TAF4B: variants seen among roughly 807,000 people sequenced by gnomAD.
TAF4B encodes transcription initiation factor TFIID subunit 4B.
Under a neutral mutation model 86.4 loss-of-function variants are expected in TAF4B, and 38 were observed. The observed-to-expected ratio is 0.44, with a 90% CI of 0.34 to 0.58. The LOEUF is 0.58. Ranked by LOEUF, TAF4B falls within the 20% of genes least tolerant of loss-of-function variation. The pLI is 0.02. For synonymous variants in TAF4B, 388 were observed against 391.2 expected (o/e 0.99, Z 0.10); for missense variants, 988 against 1,027.6 (o/e 0.96, Z 0.53).
intron 3 of TAF4B, among the ~76,000 whole-genome samples, chr18:26,268,014 AG>A (rs1239973898): frequency 1.3e-5 from 2 of 152,156 alleles, no homozygotes. Flanking sequence ...AGAACTTTGG[AG>A]GATATATGGC....
chr18:26,293,386 C>CT (rs754902733), intron 8 of TAF4B, 40 bp from the exon 9 acceptor site: 8 of 1,452,622 alleles, frequency 5.5e-6, no homozygotes, highest in East Asian at 4.6e-5. Context: ...GGTGTGATTG[C>CT]TTTTTTTGTA....
intron 1 of TAF4B, among the ~76,000 whole-genome samples, chr18:26,261,501 G>C (rs576326788): frequency 6.6e-6 from 1 of 152,306 alleles, no homozygotes; most frequent in African/African-American, 2.4e-5. Context: ...CGCCCGGCCA[G>C]CACTGTCATC....
At chr18:26,242,937 T>C (rs928256527) in intron 1 of TAF4B, among the ~76,000 whole-genome samples, 3 of 152,248 alleles carry the variant, frequency 2.0e-5, no homozygotes, top group Admixed American at 6.5e-5. Context: ...CTTGTAGAGT[T>C]TCTGCCAAGA....
chr18:26,368,472 C>T (rs1164005338), intron 14 of TAF4B, among the ~76,000 whole-genome samples: 1 of 152,084 alleles, frequency 6.6e-6, no homozygotes, highest in Non-Finnish European at 1.5e-5. Flanking sequence ...ATGAAAGGCC[C>T]AGATTTAATT....
intron 9 of TAF4B, among the ~76,000 whole-genome samples, 173 bp downstream of exon 9, chr18:26,293,704 G>A (rs2056625967): frequency 1.3e-5 from 2 of 152,100 alleles, no homozygotes; most frequent in Admixed American, 1.3e-4. Context: ...TAAATGTACA[G>A]CTTGGTGAAT....
intron 9 of TAF4B, among the ~76,000 whole-genome samples, chr18:26,309,427 A>G (rs901260412): frequency 1.3e-5 from 2 of 152,060 alleles, no homozygotes; most frequent in African/African-American, 4.8e-5. Flanking sequence ...ATTAGAATCT[A>G]AATTTGGAAG....
intron 5 of TAF4B, among the ~76,000 whole-genome samples, chr18:26,277,495 T>C (rs908185487): frequency 1.3e-5 from 2 of 152,232 alleles, no homozygotes; most frequent in South Asian, 4.1e-4. Flanking sequence ...GTGGCATTGC[T>C]GTACCAATTT....
At chr18:26,385,123 T>G (rs970511495) in intron 14 of TAF4B, among the ~76,000 whole-genome samples, 1 of 152,186 alleles carries the variant, frequency 6.6e-6, no homozygotes, top group Non-Finnish European at 1.5e-5. Context: ...CCTTTCTGCT[T>G]CTGACTTAGA....
Position 26,274,667 on chromosome 18 carries a change from T to C in TAF4B, c.602T>C (p.Val201Ala), listed in dbSNP as rs2056360860. The change falls in exon 4 of 15, where the codon GTG becomes GCG. Residue 201 changes from valine (V) to alanine (A), a missense_variant. Coordinates refer to ENST00000269142, the MANE Select transcript of TAF4B (RefSeq NM_005640.3). Reference sequence around the variant, plus strand: ...ATTTAATACCTTTAATTTCAGTCTGTGGCTGTGCCAACCAGTGTCGTCACA... The same window carrying C: ...ATTTAATACCTTTAATTTCAGTCTGCGGCTGTGCCAACCAGTGTCGTCACA... ...TVPKPSSVQS[V>A]AVPTSVVTVT... The C allele has an allele frequency of 5.0e-6, 8 of 1,614,212 alleles. No homozygotes were observed. The highest frequency in any genetic ancestry group is 6.8e-6 in the Non-Finnish European group (8 of 1,180,018).
intron 1 of TAF4B, among the ~76,000 whole-genome samples, chr18:26,249,325 A>G (rs1478338329): frequency 1.3e-5 from 2 of 152,146 alleles, no homozygotes; most frequent in East Asian, 3.9e-4. Context: ...CTAAAAATAC[A>G]CAAAAATTAG....
chr18:26,231,034 C>CTTTTTTTTTTTTGTTT (rs2055658353), intron 1 of TAF4B, among the ~76,000 whole-genome samples: 1 of 66,164 alleles, frequency 1.5e-5, no homozygotes, highest in African/African-American at 5.8e-5. Context: ...TGTTGTTTTG[C>CTTTTTTTTTTTTGTTT]TTTTTTTTTT....
At chr18:26,247,599 G>T (rs1052177501) in intron 1 of TAF4B, among the ~76,000 whole-genome samples, 1 of 152,160 alleles carries the variant, frequency 6.6e-6, no homozygotes, top group African/African-American at 2.4e-5. Context: ...ATTGACACAG[G>T]GTTGGGCATG....
intron 1 of TAF4B, among the ~76,000 whole-genome samples, chr18:26,231,034 CTTTTTTTTTTTT>C (rs536863843): frequency 9.1e-5 from 6 of 66,164 alleles, no homozygotes; most frequent in East Asian, 4.5e-4. Flanking sequence ...TGTTGTTTTG[CTTTTTTTTTTTT>C]TTTTTTTTTT....
Position 26,256,319 on chromosome 18 carries a change from T to C in TAF4B, c.344-8851T>C, listed in dbSNP as rs1022352056. On this transcript the variant is annotated intron_variant, in intron 1 of 14. Coordinates refer to ENST00000269142, the MANE Select transcript of TAF4B (RefSeq NM_005640.3). ...TAGCTCTGCAAATACAGCAGCCCTCTATACTTCGGTACATCTTTGGCGTGT... is the reference window on the plus strand; with the variant it reads ...TAGCTCTGCAAATACAGCAGCCCTCCATACTTCGGTACATCTTTGGCGTGT... 4.8e-6 allele frequency: 7 copies of C among 1,450,102 alleles called. No individual in the cohort carries two copies. In the African/African-American group the frequency reaches 9.8e-5, roughly 20 times the overall value. 89.8% of individuals were successfully genotyped at this position (1,450,102 alleles called of 1,614,324 possible).
chr18:26,375,794 G>A (rs966944121), intron 14 of TAF4B, among the ~76,000 whole-genome samples: 1 of 152,068 alleles, frequency 6.6e-6, no homozygotes, highest in East Asian at 1.9e-4. Flanking sequence ...TTAATCCAGT[G>A]TCACAATAAT....
In TAF4B at chr18:26,390,259, CTG is replaced by C. The variant is rs1437570967; in HGVS notation, c.*250_*251del. The C allele has an allele frequency of 7.9e-6, 3 of 381,726 alleles. No individual in the cohort carries two copies. In the Admixed American group the frequency reaches 1.3e-4, roughly 17 times the overall value. 23.6% of individuals were successfully genotyped at this position (381,726 alleles called of 1,614,324 possible). On this transcript the variant is annotated 3_prime_UTR_variant, in exon 15 of 15. Transcript: ENST00000269142. ...TGCACAGAATTAGGCATCTGCCTAT[CTG>C]TGCATTAAATTAAAGCAAGTTAAGG...
Position 26,267,580 on chromosome 18 carries a change from G to C in TAF4B, c.554G>C (p.Gly185Ala), listed in dbSNP as rs746323171. ...CCTGTTAAAAAATTGGCACAAATAG[G>C]AACTACTGTGGTAACCACTGTTCCG... ...VTPVKKLAQI[G>A]TTVVTTVPKP... Residue 185 changes from glycine to alanine, a missense_variant, in exon 3 of 15, where the codon GGA becomes GCA. This residue lies in a region of TAF4B where 747 missense variants were observed against 737.9 expected (regional missense o/e 1.01). Coordinates refer to ENST00000269142, the MANE Select transcript of TAF4B (RefSeq NM_005640.3). The C allele has an allele frequency of 6.2e-7, 1 of 1,614,114 alleles. No individual in the cohort carries two copies. Among genetic ancestry groups the C allele is most frequent in the Admixed American group, 1.7e-5 (1 of 60,022 alleles).
Position 26,286,287 on chromosome 18 carries a change from ACAG to A in TAF4B, c.1382_1384del (p.Ala461del). On this transcript the variant is annotated inframe_deletion, in exon 7 of 15. Coordinates refer to ENST00000269142, the MANE Select transcript of TAF4B (RefSeq NM_005640.3). ...ACCTGAAAAGCCAGTTGTCTCTGGA[ACAG>A]CAGTAACACTGTCCCTTCCAGCAGT... 1 of 1,614,252 alleles carries A rather than the reference ACAG, an allele frequency of 6.2e-7. No individual in the cohort carries two copies.
At chr18:26,373,356 A>G (rs1371610869) in intron 14 of TAF4B, among the ~76,000 whole-genome samples, 1 of 152,038 alleles carries the variant, frequency 6.6e-6, no homozygotes, top group African/African-American at 2.4e-5. Context: ...TTTCACTGTC[A>G]GCTCTTCCCA....
Sources: allele counts gnomAD v4.1 joint callset (sites outside exome capture counted in the v4.1 genomes callset), GRCh38; gene constraint gnomAD v4.1.1; regional missense constraint gnomAD v4.1.1; transcripts MANE v1.5; gene names NCBI Gene and HGNC (gene_info 2026-07-23, HGNC 2026-07-21).